PXMP4: variants seen among roughly 807,000 people sequenced by gnomAD.
PXMP4 encodes the protein 24 kDa peroxisomal intrinsic membrane protein.
Under a neutral mutation model 21.6 loss-of-function variants are expected in PXMP4, and 16 were observed. The observed-to-expected ratio is 0.74, with a 90% CI of 0.50 to 1.13. The LOEUF is 1.13. PXMP4 is among the 50% of genes most tolerant of loss of function. The probability of loss-of-function intolerance (pLI) is 0.00; values close to 1 mark genes in which losing one functional copy is unlikely to be tolerated. For synonymous variants in PXMP4, 127 were observed against 123.8 expected (o/e 1.03, Z -0.17); for missense variants, 240 against 277.7 (o/e 0.86, Z 0.96).
Position 33,720,265 on chromosome 20 carries a change from G to A in PXMP4, c.-58C>T, listed in dbSNP as rs960809421. 1.3e-5 allele frequency: 19 copies of A among 1,480,174 alleles called. No individual in the cohort carries two copies. The highest frequency in any genetic ancestry group is 1.6e-5 in the Non-Finnish European group (17 of 1,083,412). 91.7% of individuals were successfully genotyped at this position (1,480,174 alleles called of 1,614,324 possible). On this transcript the variant is annotated 5_prime_UTR_variant, in exon 1 of 4. Coordinates refer to ENST00000409299, the MANE Select transcript of PXMP4 (RefSeq NM_007238.5). Reference sequence around the variant, plus strand: ...ACTGTAAGCGCACTGACAGCCGGAGGTTCCAGCTGCGCGCCCACAGCCCCT... The same window carrying A: ...ACTGTAAGCGCACTGACAGCCGGAGATTCCAGCTGCGCGCCCACAGCCCCT...
In PXMP4 at chr20:33,720,089, A is replaced by C; in HGVS notation, c.113+6T>G. 6.2e-7 allele frequency: 1 copy of C among 1,612,794 alleles called. No homozygotes were observed. The highest frequency in any genetic ancestry group is 8.5e-7 in the Non-Finnish European group (1 of 1,179,264). On this transcript the variant is annotated splice_donor_region_variant and intron_variant, in intron 1 of 3. Coordinates refer to ENST00000409299, the MANE Select transcript of PXMP4 (RefSeq NM_007238.5). ...AGCCCCAGCCCGGCCCGACGGCCCC[A>C]CTCACACAGCCCCGTTCCGGAAGCC...
intron 1 of PXMP4, among the ~76,000 whole-genome samples, chr20:33,715,956 T>C (rs2018379958): frequency 6.7e-6 from 1 of 150,234 alleles, no homozygotes; most frequent in Admixed American, 6.7e-5. Context: ...GCGATTCTCC[T>C]GCCTCAGCCT....
At position 33,710,759 on chromosome 20, in the gene PXMP4, C is replaced by T. The variant is rs899531310; in HGVS notation, c.177-6G>A. ...CCCACAGCTTCTCCTGGAGGCTGCA[C>T]AAACACAGGTGCCCCTGCCATGAGT... On this transcript the variant is annotated splice_polypyrimidine_tract_variant and splice_region_variant and intron_variant, in intron 2 of 3. Coordinates refer to ENST00000409299, the MANE Select transcript of PXMP4 (RefSeq NM_007238.5). The T allele has an allele frequency of 2.5e-6, 4 of 1,590,812 alleles. No homozygotes were observed. Among genetic ancestry groups the T allele is most frequent in the Admixed American group, 1.7e-5 (1 of 57,504 alleles).
intron 3 of PXMP4, among the ~76,000 whole-genome samples, 165 bp downstream of exon 3, chr20:33,710,390 C>A (rs1378439704): frequency 6.8e-6 from 1 of 146,968 alleles, no homozygotes; most frequent in Admixed American, 6.8e-5. Flanking sequence ...TCCCCAACCC[C>A]CTCCTCTACA....
chr20:33,716,737 C>A (rs2018386398), intron 1 of PXMP4, among the ~76,000 whole-genome samples: 1 of 152,136 alleles, frequency 6.6e-6, no homozygotes, highest in Non-Finnish European at 1.5e-5. Flanking sequence ...CTGACCGATG[C>A]CAGAACACCC....
At chr20:33,714,838 T>C in intron 1 of PXMP4, 102 bp from the exon 2 acceptor site, 1 of 1,130,980 alleles carries the variant, frequency 8.8e-7, no homozygotes, top group African/African-American at 1.5e-5. Context: ...TCCCAAATTC[T>C]AACACCACTT....
rs2018438734 is a variant in PXMP4 at position 33,720,294 on chromosome 20, T to A, written c.-87A>T. 2 of 1,182,068 alleles carry A rather than the reference T, an allele frequency of 1.7e-6. No individual in the cohort carries two copies. Among genetic ancestry groups the A allele is most frequent in the East Asian group, 5.2e-5 (2 of 38,614 alleles). The allele number at this position is 1,182,068 out of a possible 1,614,324, so 73.2% of individuals were successfully genotyped here. On this transcript the variant is annotated 5_prime_UTR_variant, in exon 1 of 4. Coordinates refer to ENST00000409299, the MANE Select transcript of PXMP4 (RefSeq NM_007238.5). ...CAGCTGCGCGCCCACAGCCCCTCGGTAGCGCCGCCGACTCGTGGCGTCTAT... is the reference window on the plus strand; with the variant it reads ...CAGCTGCGCGCCCACAGCCCCTCGGAAGCGCCGCCGACTCGTGGCGTCTAT...
chr20:33,720,181 A>T lies in PXMP4; in HGVS notation c.27T>A (p.Ala9=), dbSNP rs997968896. Residue 9 remains alanine, a synonymous_variant, in exon 1 of 4, where the codon GCT becomes GCA. Coordinates refer to ENST00000409299, the MANE Select transcript of PXMP4 (RefSeq NM_007238.5). Reference sequence around the variant, plus strand: ...GCAGTGCGTTGACGACTACGAGCAGAGCCCTTAGCTGCGGCGGGGCTGCCA... The same window carrying T: ...GCAGTGCGTTGACGACTACGAGCAGTGCCCTTAGCTGCGGCGGGGCTGCCA... The part of the protein sequence containing the change: MAAPPQLR[A]LLVVVNALLR... The T allele has an allele frequency of 6.2e-7, 1 of 1,612,840 alleles. No individual in the cohort carries two copies. Among genetic ancestry groups the T allele is most frequent in the African/African-American group, 1.3e-5 (1 of 74,946 alleles).
In PXMP4 at chr20:33,704,570, A is replaced by T. The variant is rs2018238313; in HGVS notation, c.*3136T>A. The T allele has an allele frequency of 6.6e-6, 1 of 152,268 alleles. No individual in the cohort carries two copies. The highest frequency in any genetic ancestry group is 2.4e-5 in the African/African-American group (1 of 41,460). The allele number at this position is 152,268 out of a possible 1,614,324, so 9.4% of individuals were successfully genotyped here. On this transcript the variant is annotated 3_prime_UTR_variant, in exon 4 of 4. Coordinates refer to ENST00000409299, the MANE Select transcript of PXMP4 (RefSeq NM_007238.5). The stretch of plus-strand genomic sequence containing the variant: ...CTCCACAGCAAGTTAAAGGAACTTC[A>T]TAATTACCTACTCCAAGTTTGCAGT...
At position 33,720,290 on chromosome 20, in the gene PXMP4, T is replaced by C; in HGVS notation, c.-83A>G. 1 of 1,247,064 alleles carries C rather than the reference T, an allele frequency of 8.0e-7. No individual in the cohort carries two copies. The highest frequency in any genetic ancestry group is 1.3e-5 in the South Asian group (1 of 75,548). The allele number at this position is 1,247,064 out of a possible 1,614,324, so 77.2% of individuals were successfully genotyped here. ...GTTCCAGCTGCGCGCCCACAGCCCC[T>C]CGGTAGCGCCGCCGACTCGTGGCGT... On this transcript the variant is annotated 5_prime_UTR_variant, in exon 1 of 4. Transcript: ENST00000409299.
chr20:33,711,736 C>T (rs765885048), intron 2 of PXMP4, among the ~76,000 whole-genome samples: 4 of 151,998 alleles, frequency 2.6e-5, no homozygotes, highest in South Asian at 4.2e-4. Flanking sequence ...TCACACCTGT[C>T]ATCCCAGCAC....
rs753817815 is a variant in PXMP4, at chr20:33,707,812, A to G, written c.533T>C (p.Leu178Pro). The G allele has an allele frequency of 5.0e-6, 8 of 1,614,088 alleles. No homozygotes were observed. Among genetic ancestry groups the G allele is most frequent in the Non-Finnish European group, 5.9e-6 (7 of 1,180,048 alleles). ...LWLFEYHRST[L>P]QPSLQSSMTY... ...CATGGAGGACTGCAGCGAGGGCTGC[A>G]GGGTGGATCGGTGATACTCAAAGAG... is the stretch of plus-strand genomic sequence containing the variant. Residue 178 changes from leucine (L) to proline (P), a missense_variant, in exon 4 of 4, where the codon CTG becomes CCG. Physicochemically the swap from Leu to Pro is moderately conservative, Grantham distance 98. Transcript: ENST00000409299.
chr20:33,718,240 G>A (rs971847136), intron 1 of PXMP4, among the ~76,000 whole-genome samples: 2 of 152,112 alleles, frequency 1.3e-5, no homozygotes, highest in Non-Finnish European at 2.9e-5. Context: ...GCTGGGTGTG[G>A]TGGCTCACGC....
At chr20:33,718,564 T>C (rs1395139931) in intron 1 of PXMP4, among the ~76,000 whole-genome samples, 5 of 150,282 alleles carry the variant, frequency 3.3e-5, no homozygotes, top group African/African-American at 1.2e-4. Flanking sequence ...TTACTGATGT[T>C]ATCTCAGGGC....
At chr20:33,712,543 G>A (rs764320733) in intron 2 of PXMP4, among the ~76,000 whole-genome samples, 1 of 152,064 alleles carries the variant, frequency 6.6e-6, no homozygotes, top group Admixed American at 6.6e-5. Flanking sequence ...TCTTCCTCCT[G>A]GGTTTGAGCG....
In PXMP4 at chr20:33,703,636, G is replaced by A. The variant is rs12624609; in HGVS notation, c.*4070C>T. On this transcript the variant is annotated 3_prime_UTR_variant, in exon 4 of 4. Coordinates refer to ENST00000409299, the MANE Select transcript of PXMP4 (RefSeq NM_007238.5). ...GTAGGGGCATGAGGAAGGGAGATGG[G>A]GAGGGTGTTTGAGGCTCAGCCCTGC... The A allele has an allele frequency of 0.15, 22,225 of 152,522 alleles. 2,333 individuals are homozygous for A. The highest frequency in any genetic ancestry group is 0.5 in the East Asian group (2,586 of 5,188). 9.4% of individuals were successfully genotyped at this position (152,522 alleles called of 1,614,324 possible).
chr20:33,717,658 A>AAAATT (rs1555866644), intron 1 of PXMP4, among the ~76,000 whole-genome samples: 4 of 137,502 alleles, frequency 2.9e-5, no homozygotes, highest in Non-Finnish European at 6.1e-5. Flanking sequence ...AAAAAAAAAA[A>AAAATT]TTATTAAATA....
rs2018225168 is a variant in PXMP4, at chr20:33,703,397, G to C, written c.*4309C>G. 1 of 152,306 alleles carries C rather than the reference G, an allele frequency of 6.6e-6. No individual in the cohort carries two copies. The highest frequency in any genetic ancestry group is 6.5e-5 in the Admixed American group (1 of 15,288). 9.4% of individuals were successfully genotyped at this position (152,306 alleles called of 1,614,324 possible). On this transcript the variant is annotated 3_prime_UTR_variant, in exon 4 of 4. Transcript: ENST00000409299. ...TTATCAATGAGGAAATAGAGGCACA[G>C]AATGGCTCAGTCACTTGCCCAAGGA...
intron 1 of PXMP4, among the ~76,000 whole-genome samples, chr20:33,717,103 A>G (rs1437233006): frequency 6.6e-6 from 1 of 151,918 alleles, no homozygotes; most frequent in African/African-American, 2.4e-5. Flanking sequence ...TCTTGAACCC[A>G]GGAGGCAGAG....
Sources: allele counts gnomAD v4.1 joint callset (sites outside exome capture counted in the v4.1 genomes callset), GRCh38; gene constraint gnomAD v4.1.1; transcripts MANE v1.5; gene names NCBI Gene and HGNC (gene_info 2026-07-23, HGNC 2026-07-21).